Variants in TTC5 observed in about 807,000 individuals in gnomAD.
TTC5 encodes the protein tetratricopeptide repeat protein 5.
In TTC5, 46 loss-of-function variants were observed where a neutral mutation model predicts 57.4. The observed-to-expected ratio is 0.80, with a 90% CI of 0.63 to 1.03. The LOEUF (loss-of-function observed/expected upper bound fraction) is 1.03, where lower values mean the gene tolerates loss of function less well. Among genes scored for constraint, TTC5 ranks in the 50% least tolerant of loss-of-function variants. The pLI, the probability that TTC5 is intolerant of heterozygous loss-of-function variation, is 0.00. For missense variants in TTC5, 504 were observed against 528.1 expected (o/e 0.95, Z 0.45); for synonymous variants, 190 against 203.5 (o/e 0.93, Z 0.57).
rs776932510 is a variant in TTC5 at position 20,298,919 on chromosome 14, C to T, written c.548-31G>A. 75 of 1,507,694 alleles carry T rather than the reference C, an allele frequency of 5.0e-5. No homozygotes were observed. The Middle Eastern group carries it at 5.1e-4, about 10-fold the overall frequency. The allele number at this position is 1,507,694 out of a possible 1,614,324, so 93.4% of individuals were successfully genotyped here. A position where few individuals can be genotyped will look rare whatever the true frequency, so the allele number is the denominator to read the frequency against. On this transcript the variant is annotated intron_variant, in intron 4 of 9. Transcript: ENST00000258821. ...AGAGAAACACAGTGACAAATCATCT[C>T]AGAGTCCAAGTTCAAGATATGACTT...
At chr14:20,296,288 G>A in intron 6 of TTC5, 102 bp downstream of exon 6, 1 of 948,506 alleles carries the variant, frequency 1.1e-6, no homozygotes, top group Non-Finnish European at 1.7e-6. Flanking sequence ...CTCGCAGTCT[G>A]TACCCAATCT....
chr14:20,289,395 G>A lies in TTC5; in HGVS notation c.*232C>T. 1 of 375,766 alleles carries A rather than the reference G, an allele frequency of 2.7e-6. No homozygotes were observed. Among genetic ancestry groups the A allele is most frequent in the Non-Finnish European group, 4.8e-6 (1 of 208,578 alleles). The allele number at this position is 375,766 out of a possible 1,614,324, so 23.3% of individuals were successfully genotyped here. On this transcript the variant is annotated 3_prime_UTR_variant, in exon 10 of 10. Transcript: ENST00000258821. The stretch of plus-strand genomic sequence containing the variant: ...CTCTTTGCTTAAAACATAGAGAGCA[G>A]TGGAAGAGACAGGAGAGATATGCCA...
At chr14:20,304,634 A>G (rs555578392) in intron 1 of TTC5, among the ~76,000 whole-genome samples, 2 of 152,308 alleles carry the variant, frequency 1.3e-5, no homozygotes, top group South Asian at 2.1e-4. Flanking sequence ...TCCTCTCCCA[A>G]GCTGCTTAGG....
intron 9 of TTC5, among the ~76,000 whole-genome samples, chr14:20,291,000 C>T (rs949796339): frequency 9.9e-5 from 15 of 152,088 alleles, no homozygotes; most frequent in African/African-American, 2.9e-4. Flanking sequence ...TCACATATCA[C>T]AAAATATTAC....
rs1428630613 is a variant in TTC5 at position 20,286,336 on chromosome 14, CAG to C, written c.*3289_*3290del. 6.6e-6 allele frequency: 1 copy of C among 151,842 alleles called. No individual in the cohort carries two copies. Among genetic ancestry groups the C allele is most frequent in the African/African-American group, 2.4e-5 (1 of 41,450 alleles). The allele number at this position is 151,842 out of a possible 1,614,324, so 9.4% of individuals were successfully genotyped here. A position where few individuals can be genotyped will look rare whatever the true frequency, so the allele number is the denominator to read the frequency against. ...CCAATAAAAATTGGACAAAAGAAAA[CAG>C]AGATTTCATAGAAAAAGAAACAGGA... On this transcript the variant is annotated 3_prime_UTR_variant, in exon 10 of 10. Coordinates refer to ENST00000258821, the MANE Select transcript of TTC5 (RefSeq NM_138376.3).
rs1881868602 is a variant in TTC5 at position 20,287,783 on chromosome 14, T to C, written c.*1844A>G. 6.6e-6 allele frequency: 1 copy of C among 152,188 alleles called. No homozygotes were observed. Among genetic ancestry groups the C allele is most frequent in the African/African-American group, 2.4e-5 (1 of 41,442 alleles). 9.4% of individuals were successfully genotyped at this position (152,188 alleles called of 1,614,324 possible). A position where few individuals can be genotyped will look rare whatever the true frequency, so the allele number is the denominator to read the frequency against. On this transcript the variant is annotated 3_prime_UTR_variant, in exon 10 of 10. Coordinates refer to ENST00000258821, the MANE Select transcript of TTC5 (RefSeq NM_138376.3). The stretch of plus-strand genomic sequence containing the variant: ...CCCACATCTCTACTGCCTCAAATGT[T>C]TACACATACTACTACCCCCATCTTC...
At chr14:20,296,298 T>C in intron 6 of TTC5, 92 bp downstream of exon 6, 1 of 1,037,264 alleles carries the variant, frequency 9.6e-7, no homozygotes, top group Non-Finnish European at 1.5e-6. Flanking sequence ...GTACCCAATC[T>C]TGTCCCTATG....
At chr14:20,292,175 G>A in intron 8 of TTC5, 48 bp from the exon 9 acceptor site, 1 of 1,375,604 alleles carries the variant, frequency 7.3e-7, no homozygotes, top group Non-Finnish European at 9.6e-7. Flanking sequence ...AAAGGTATGT[G>A]GGTAGGAAAG....
At chr14:20,305,113 C>G (rs542852555) in intron 1 of TTC5, among the ~76,000 whole-genome samples, 1 of 152,286 alleles carries the variant, frequency 6.6e-6, no homozygotes, top group South Asian at 2.1e-4. Flanking sequence ...AGCTGGAACA[C>G]TCTAAAAAGT....
chr14:20,295,270 A>C, intron 8 of TTC5, 42 bp downstream of exon 8: 1 of 1,573,614 alleles, frequency 6.4e-7, no homozygotes, highest in Non-Finnish European at 8.7e-7. Context: ...GAGAGCAATT[A>C]GTTCAAAAGG....
intron 3 of TTC5, among the ~76,000 whole-genome samples, chr14:20,299,874 G>A (rs1882146790): frequency 6.6e-6 from 1 of 151,204 alleles, no homozygotes; most frequent in South Asian, 2.1e-4. Context: ...TTGTGACAGG[G>A]TCTCACTCTG....
In TTC5 at chr14:20,305,861, A is replaced by G. The variant is rs764467644; in HGVS notation, c.51+26T>C. On this transcript the variant is annotated intron_variant, in intron 1 of 9. Transcript: ENST00000258821. ...GCTTCATTCGGAGTAACAAAAACAC[A>G]TACAGAATTTAATCTACGGCCCCAC... The G allele has an allele frequency of 3.7e-6, 6 of 1,611,780 alleles. No homozygotes were observed. In the African/African-American group the frequency reaches 6.7e-5, roughly 18 times the overall value.
chr14:20,295,984 C>G lies in TTC5; in HGVS notation c.697-130G>C, dbSNP rs1882054643. ...GGTTATTTTCCTGTGCTGCAACAAA[C>G]AGCCTGAAGAGCTGGTAACACCTTA... On this transcript the variant is annotated intron_variant, in intron 6 of 9. Transcript: ENST00000258821. 3.3e-6 allele frequency: 3 copies of G among 897,770 alleles called. No homozygotes were observed. The East Asian group carries it at 8.1e-5, about 24-fold the overall frequency. The allele number at this position is 897,770 out of a possible 1,614,324, so 55.6% of individuals were successfully genotyped here. A position where few individuals can be genotyped will look rare whatever the true frequency, so the allele number is the denominator to read the frequency against.
chr14:20,296,544 A>G (rs1313973827), intron 5 of TTC5, 98 bp from the exon 6 acceptor site: 6 of 981,618 alleles, frequency 6.1e-6, no homozygotes, highest in Non-Finnish European at 9.8e-6. Context: ...GAGAAATGGA[A>G]GTTTCTTCCT....
rs942681595 is a variant in TTC5, at chr14:20,299,344, C to T, written c.501G>A (p.Gln167=). Residue 167 remains glutamine, a synonymous_variant, in exon 4 of 10, where the codon CAG becomes CAA. Transcript: ENST00000258821. The part of the protein sequence containing the change: ...HSHHVMDSVR[Q]AKLAVQMDVH... ...CATCCATCTGAACAGCCAACTTAGC[C>T]TGTCGGACACTGTCCATGACATGGT... 2 of 1,614,032 alleles carry T rather than the reference C, an allele frequency of 1.2e-6. No individual in the cohort carries two copies. Among genetic ancestry groups the T allele is most frequent in the African/African-American group, 2.7e-5 (2 of 74,926 alleles).
intron 8 of TTC5, chr14:20,294,398 T>G (rs1481033270): frequency 6.6e-6 from 1 of 152,184 alleles, no homozygotes; most frequent in African/African-American, 2.4e-5. Flanking sequence ...TAAACTAAAC[T>G]GTTCTCAACT....
intron 8 of TTC5, chr14:20,295,075 C>A: frequency 2.0e-6 from 1 of 512,450 alleles, no homozygotes; most frequent in Non-Finnish European, 3.5e-6. Flanking sequence ...TATAGGAATC[C>A]ACATAGCACC....
In TTC5 at chr14:20,287,244, GT is replaced by G. The variant is rs1253658837; in HGVS notation, c.*2382del. 2 of 152,224 alleles carry G rather than the reference GT, an allele frequency of 1.3e-5. No individual in the cohort carries two copies. The highest frequency in any genetic ancestry group is 6.5e-5 in the Admixed American group (1 of 15,284). The allele number at this position is 152,224 out of a possible 1,614,324, so 9.4% of individuals were successfully genotyped here. ...CTCCTCCCACATAGTTTTGAATTCA[GT>G]AAGTCTGGGTAGGGGGCTTGAGAAT... On this transcript the variant is annotated 3_prime_UTR_variant, in exon 10 of 10. Transcript: ENST00000258821.
rs1882033701 is a variant in TTC5 at position 20,295,178 on chromosome 14, G to A, written c.1058+134C>T. 9 of 766,590 alleles carry A rather than the reference G, an allele frequency of 1.2e-5. 1 individual carries two copies. In the South Asian group the frequency reaches 1.5e-4, roughly 13 times the overall value. The allele number at this position is 766,590 out of a possible 1,614,324, so 47.5% of individuals were successfully genotyped here. ...ATCACCCAGACAATATCTGCCCACG[G>A]GATAGTCACAGAAGGAAATCAGAAG... On this transcript the variant is annotated intron_variant, in intron 8 of 9. Transcript: ENST00000258821.
Sources: allele counts gnomAD v4.1 joint callset (sites outside exome capture counted in the v4.1 genomes callset), GRCh38; gene constraint gnomAD v4.1.1; transcripts MANE v1.5; gene names NCBI Gene and HGNC (gene_info 2026-07-23, HGNC 2026-07-21).